Variants in NLGN1 observed in about 807,000 individuals in gnomAD.
NLGN1 encodes the protein neuroligin-1.
Under a neutral mutation model 65.5 loss-of-function variants are expected in NLGN1, and 12 were observed. The observed-to-expected ratio is 0.18, with a 90% confidence interval of 0.12 to 0.30. The LOEUF (loss-of-function observed/expected upper bound fraction) is 0.30. Ranked by LOEUF, NLGN1 falls within the 10% of genes least tolerant of loss-of-function variation. The pLI, the probability that NLGN1 is intolerant of heterozygous loss-of-function variation, is 1.00. For missense variants in NLGN1, 750 were observed against 1,007.1 expected (o/e 0.74, Z 3.46); for synonymous variants, 350 against 359.5 (o/e 0.97, Z 0.30).
At chr3:173,778,356 C>T (rs182513894) in intron 3 of NLGN1, among the ~76,000 whole-genome samples, 7 of 151,688 alleles carry the variant, frequency 4.6e-5, no homozygotes, top group South Asian at 2.1e-4. Context: ...ACTAGAGTCT[C>T]GAATAATTTA....
At chr3:173,469,470 T>C (rs975156055) in intron 2 of NLGN1, among the ~76,000 whole-genome samples, 1 of 152,066 alleles carries the variant, frequency 6.6e-6, no homozygotes, top group African/African-American at 2.4e-5. Flanking sequence ...AGTTGGCCAA[T>C]TAAAATCTTT....
chr3:173,896,087 C>A lies in NLGN1; in HGVS notation c.646+88255C>A, dbSNP rs541490063. 6.6e-5 allele frequency among the ~76,000 whole-genome samples: 10 copies of A among 152,250 alleles called. No individual in the cohort carries two copies. In the South Asian group the frequency reaches 1.2e-3, roughly 19 times the overall value. On this transcript the variant is annotated intron_variant, in intron 4 of 6. Transcript: ENST00000457714. The stretch of plus-strand genomic sequence containing the variant: ...ATTAGCATGGTTGCCTTCCTTTTAC[C>A]TCTTGGTAAGTCACCATGCTCCATT...
chr3:173,990,064 T>C (rs1268131796), intron 4 of NLGN1, among the ~76,000 whole-genome samples: 2 of 152,206 alleles, frequency 1.3e-5, no homozygotes, highest in Non-Finnish European at 2.9e-5. Flanking sequence ...TGGATGATGT[T>C]GTTGCCTTAG....
chr3:173,620,425 C>T (rs1753808759), intron 3 of NLGN1, among the ~76,000 whole-genome samples: 1 of 152,024 alleles, frequency 6.6e-6, no homozygotes, highest in South Asian at 2.1e-4. Context: ...TCCTTACTTC[C>T]CCTAACCAGC....
At chr3:174,269,221 T>C (rs1386240885) in intron 4 of NLGN1, among the ~76,000 whole-genome samples, 1 of 151,988 alleles carries the variant, frequency 6.6e-6, no homozygotes. Flanking sequence ...TTTTTACATA[T>C]ACTGTTCAGT....
chr3:173,791,849 T>G (rs1712841910), intron 3 of NLGN1, among the ~76,000 whole-genome samples: 1 of 152,084 alleles, frequency 6.6e-6, no homozygotes, highest in African/African-American at 2.4e-5. Context: ...TGTTAAACAC[T>G]CTATTTTTGT....
intron 4 of NLGN1, among the ~76,000 whole-genome samples, chr3:173,890,099 T>C (rs1735056329): frequency 6.6e-6 from 1 of 152,174 alleles, no homozygotes; most frequent in African/African-American, 2.4e-5. Flanking sequence ...CCCATTTAGC[T>C]GTTAAGAGCA....
chr3:173,831,299 A>G (rs1341938752), intron 4 of NLGN1, among the ~76,000 whole-genome samples: 1 of 152,244 alleles, frequency 6.6e-6, no homozygotes, highest in African/African-American at 2.4e-5. Context: ...AAAAAGGTAT[A>G]TATCAACCAC....
chr3:173,488,157 C>T (rs1156402146), intron 2 of NLGN1, among the ~76,000 whole-genome samples: 2 of 151,910 alleles, frequency 1.3e-5, no homozygotes, highest in African/African-American at 2.4e-5. Context: ...TAATGCTTAA[C>T]ATTAAACCAT....
At chr3:173,976,339 C>A (rs1166094723) in intron 4 of NLGN1, among the ~76,000 whole-genome samples, 1 of 151,986 alleles carries the variant, frequency 6.6e-6, no homozygotes, top group Non-Finnish European at 1.5e-5. Context: ...CTGGGGAGTA[C>A]AACAATGAAT....
intron 2 of NLGN1, among the ~76,000 whole-genome samples, chr3:173,462,751 A>T (rs1010723250): frequency 9.9e-5 from 15 of 152,178 alleles, no homozygotes; most frequent in African/African-American, 3.4e-4. Flanking sequence ...GTTATTATGT[A>T]CTATTTTGAT....
At chr3:173,416,261 C>T (rs1713772928) in intron 1 of NLGN1, among the ~76,000 whole-genome samples, 1 of 152,170 alleles carries the variant, frequency 6.6e-6, no homozygotes, top group Non-Finnish European at 1.5e-5. Context: ...CATGCAAGCT[C>T]CTTATCCCTC....
intron 3 of NLGN1, among the ~76,000 whole-genome samples, chr3:173,610,157 C>G (rs564674948): frequency 6.6e-6 from 1 of 151,936 alleles, no homozygotes; most frequent in South Asian, 2.1e-4. Flanking sequence ...GTGATAGATT[C>G]TTCATATATT....
At chr3:174,016,800 A>G (rs1388686495) in intron 4 of NLGN1, among the ~76,000 whole-genome samples, 1 of 152,200 alleles carries the variant, frequency 6.6e-6, no homozygotes, top group Non-Finnish European at 1.5e-5. Context: ...GAAGCCACAT[A>G]GCAGCCAAGA....
intron 3 of NLGN1, among the ~76,000 whole-genome samples, chr3:173,680,391 A>G (rs1310213122): frequency 1.3e-5 from 2 of 152,196 alleles, no homozygotes; most frequent in African/African-American, 2.4e-5. Flanking sequence ...TAAATTATCT[A>G]TATGCCTATA....
intron 3 of NLGN1, 32 bp from the exon 3 acceptor site, chr3:173,605,502 T>A: frequency 8.4e-7 from 1 of 1,191,596 alleles, no homozygotes; most frequent in Non-Finnish European, 1.1e-6. Context: ...TGGAGCGCCA[T>A]GTTATTTTCT....
intron 4 of NLGN1, among the ~76,000 whole-genome samples, chr3:174,197,095 G>A (rs1346810833): frequency 6.6e-6 from 1 of 152,156 alleles, no homozygotes; most frequent in African/African-American, 2.4e-5. Flanking sequence ...TATCACCTTT[G>A]CTGAAATGTT....
At position 173,901,484 on chromosome 3, in the gene NLGN1, C is replaced by T. The variant is rs1737375489; in HGVS notation, c.646+93652C>T. ...TTACAATCTCATTTTGGAGTTTATTCCATTTGTTAGCTGCCACTAAAGAGT... is the reference window on the plus strand; with the variant it reads ...TTACAATCTCATTTTGGAGTTTATTTCATTTGTTAGCTGCCACTAAAGAGT... On this transcript the variant is annotated intron_variant, in intron 4 of 6. Transcript: ENST00000457714. 2.0e-5 allele frequency among the ~76,000 whole-genome samples: 3 copies of T among 150,982 alleles called. No individual in the cohort carries two copies. The South Asian group carries it at 6.3e-4, about 31-fold the overall frequency.
intron 3 of NLGN1, among the ~76,000 whole-genome samples, chr3:173,775,458 A>G (rs1393962536): frequency 6.7e-6 from 1 of 149,282 alleles, no homozygotes; most frequent in Admixed American, 6.7e-5. Flanking sequence ...TAAAGTATTA[A>G]CCTTTCTGAT....
Sources: gnomAD v4.1 joint callset for allele counts (sites outside exome capture counted in the v4.1 genomes callset) on GRCh38, gnomAD v4.1.1 for gene constraint, MANE v1.5 for transcripts, NCBI Gene and HGNC (gene_info 2026-07-23, HGNC 2026-07-21) for gene names.